PID1: variants seen among roughly 807,000 people sequenced by gnomAD.
The protein encoded by PID1 is PTB-containing, cubilin and LRP1-interacting protein.
PID1 carries 10 observed loss-of-function variants against 19.1 expected under a neutral mutation model. The observed-to-expected ratio is 0.52, with a 90% CI of 0.32 to 0.89. PID1 has a LOEUF of 0.89. Among genes scored for constraint, PID1 ranks in the 40% least tolerant of loss-of-function variants. The pLI is 0.03. For missense variants in PID1, 248 were observed against 285.3 expected, an observed-to-expected ratio of 0.87 and a Z score of 0.94; for synonymous variants, 130 against 116.0, an observed-to-expected ratio of 1.12 and a Z score of -0.78.
chr2:229,249,054 A>G (rs1007967616), intron 1 of PID1, among the ~76,000 whole-genome samples: 5 of 152,202 alleles, frequency 3.3e-5, no homozygotes, highest in African/African-American at 1.2e-4. Flanking sequence ...TCTGAACAAG[A>G]CAGATTCTAT....
At chr2:229,078,564 T>A (rs896107636) in intron 2 of PID1, among the ~76,000 whole-genome samples, 1 of 152,210 alleles carries the variant, frequency 6.6e-6, no homozygotes, top group African/African-American at 2.4e-5. Context: ...TTTTGAGATA[T>A]GTTCCATCAA....
At chr2:229,168,503 C>T (rs575667252) in intron 1 of PID1, among the ~76,000 whole-genome samples, 11 of 152,206 alleles carry the variant, frequency 7.2e-5, no homozygotes, top group African/African-American at 1.4e-4. Flanking sequence ...ATTGTTTCTG[C>T]TATTGTTACT....
At chr2:229,083,021 T>C (rs1025411551) in intron 2 of PID1, among the ~76,000 whole-genome samples, 1 of 151,736 alleles carries the variant, frequency 6.6e-6, no homozygotes, top group East Asian at 1.9e-4. Flanking sequence ...AATGCTTCCA[T>C]CCTAATGTGA....
At chr2:229,048,539 G>T (rs1335389564) in intron 2 of PID1, among the ~76,000 whole-genome samples, 2 of 152,090 alleles carry the variant, frequency 1.3e-5, no homozygotes, top group Admixed American at 1.3e-4. Flanking sequence ...CGAAGGACCA[G>T]CCCAAAATTT....
intron 2 of PID1, among the ~76,000 whole-genome samples, chr2:229,099,616 T>C (rs1205037307): frequency 1.3e-5 from 2 of 152,148 alleles, no homozygotes; most frequent in Admixed American, 6.5e-5. Context: ...CAACAGTGAA[T>C]TGAAATTCAG....
At chr2:229,250,813 G>A (rs1690130759) in intron 1 of PID1, among the ~76,000 whole-genome samples, 1 of 152,090 alleles carries the variant, frequency 6.6e-6, no homozygotes. Flanking sequence ...GCCCTTTACA[G>A]CGTCTTAGGA....
chr2:229,160,372 G>T (rs12612597), intron 1 of PID1, among the ~76,000 whole-genome samples: 1 of 124,046 alleles, frequency 8.1e-6, no homozygotes, highest in Non-Finnish European at 1.9e-5. Flanking sequence ...AAAGAAAAAA[G>T]AAAAGCTAAA....
chr2:229,200,512 G>C lies in PID1; in HGVS notation c.31-44548C>G, dbSNP rs528554044. Reference sequence around the variant, plus strand: ...AATCTCCATGTATCATATATCCCACGGTAGCATAATTGTGAGCAACTGTAT... The same window carrying C: ...AATCTCCATGTATCATATATCCCACCGTAGCATAATTGTGAGCAACTGTAT... On this transcript the variant is annotated intron_variant, in intron 1 of 2. Coordinates refer to ENST00000392055, the MANE Select transcript of PID1 (RefSeq NM_001100818.2). Among the ~76,000 whole-genome samples, 4 of 151,850 alleles carry C rather than the reference G, an allele frequency of 2.6e-5. No homozygotes were observed. The South Asian group carries it at 8.3e-4, about 32-fold the overall frequency.
At chr2:229,126,012 AC>A (rs1695615523) in intron 2 of PID1, among the ~76,000 whole-genome samples, 1 of 152,186 alleles carries the variant, frequency 6.6e-6, no homozygotes, top group African/African-American at 2.4e-5. Context: ...TAATGTGTTT[AC>A]CAGGTCAATT....
At position 229,208,416 on chromosome 2, in the gene PID1, C is replaced by T. The variant is rs900731795; in HGVS notation, c.31-52452G>A. On this transcript the variant is annotated intron_variant, in intron 1 of 2. Coordinates refer to ENST00000392055, the MANE Select transcript of PID1 (RefSeq NM_001100818.2). ...AAGTAACAATTGTCTCAAAAAGAAA[C>T]ATATATCCCTGCCCTTTGGTTTTAG... Among the ~76,000 whole-genome samples the T allele has an allele frequency of 2.0e-5, 3 of 152,198 alleles. No individual in the cohort carries two copies. In the South Asian group the frequency reaches 6.2e-4, roughly 31 times the overall value.
At chr2:229,052,975 A>G (rs1212396761) in intron 2 of PID1, among the ~76,000 whole-genome samples, 2 of 152,208 alleles carry the variant, frequency 1.3e-5, no homozygotes, top group Non-Finnish European at 2.9e-5. Flanking sequence ...TGCCATGTAC[A>G]ATTATTATGA....
intron 1 of PID1, among the ~76,000 whole-genome samples, chr2:229,212,151 G>T (rs1691751205): frequency 6.6e-6 from 1 of 151,982 alleles, no homozygotes; most frequent in Non-Finnish European, 1.5e-5. Context: ...GGAGGGAGGG[G>T]ATAGGACAAA....
chr2:229,190,393 A>G (rs184594765), intron 1 of PID1, among the ~76,000 whole-genome samples: 55 of 152,340 alleles, frequency 3.6e-4, no homozygotes, highest in Non-Finnish European at 5.7e-4. Context: ...GTCTATCCCA[A>G]TGGAATTCCT....
chr2:229,236,994 A>ACG (rs1316208448), intron 1 of PID1, among the ~76,000 whole-genome samples: 1 of 148,678 alleles, frequency 6.7e-6, no homozygotes, highest in Non-Finnish European at 1.5e-5. Context: ...ACATACACAC[A>ACG]CACACACACA....
chr2:229,221,762 C>T (rs960869235), intron 1 of PID1, among the ~76,000 whole-genome samples: 1 of 152,222 alleles, frequency 6.6e-6, no homozygotes, highest in Non-Finnish European at 1.5e-5. Flanking sequence ...CTCTTGATGA[C>T]CTGACTCCCA....
chr2:229,188,594 C>T (rs528451555), intron 1 of PID1, among the ~76,000 whole-genome samples: 1 of 152,064 alleles, frequency 6.6e-6, no homozygotes, highest in East Asian at 1.9e-4. Context: ...AAAAAATTAG[C>T]CAGGCATGGT....
In PID1 at chr2:229,126,356, T is replaced by G. The variant is rs538066877; in HGVS notation, c.177+29462A>C. On this transcript the variant is annotated intron_variant, in intron 2 of 2. Transcript: ENST00000392055. ...AGGTCTGGAGGTAATTTAACAAGTT[T>G]AAATTACCATTTGGAAAGTAATAAG... Among the ~76,000 whole-genome samples, 7 of 152,110 alleles carry G rather than the reference T, an allele frequency of 4.6e-5. No homozygotes were observed. In the East Asian group the frequency reaches 1.2e-3, roughly 25 times the overall value.
chr2:229,146,072 C>A (rs962101249), intron 2 of PID1, among the ~76,000 whole-genome samples: 4 of 152,140 alleles, frequency 2.6e-5, no homozygotes, highest in Non-Finnish European at 4.4e-5. Context: ...TGGCTTCTAG[C>A]TTCATCCATG....
At chr2:229,132,258 C>A (rs998903377) in intron 2 of PID1, among the ~76,000 whole-genome samples, 1 of 152,180 alleles carries the variant, frequency 6.6e-6, no homozygotes, top group Non-Finnish European at 1.5e-5. Flanking sequence ...GGACCACAAC[C>A]ATCTATGTTC....
Sources: allele counts gnomAD v4.1 joint callset (sites outside exome capture counted in the v4.1 genomes callset), GRCh38; gene constraint gnomAD v4.1.1; transcripts MANE v1.5; gene names NCBI Gene and HGNC (gene_info 2026-07-23, HGNC 2026-07-21).